SAGE1: variants seen among roughly 807,000 people sequenced by gnomAD.
SAGE1 encodes sarcoma antigen 1.
A neutral mutation model predicts 55.4 loss-of-function variants in SAGE1; 55 were observed. That is an observed-to-expected ratio of 0.99 (90% CI 0.80 to 1.24). The LOEUF (loss-of-function observed/expected upper bound fraction) is 1.24, where lower values mean the gene tolerates loss of function less well. SAGE1 is among the 50% of genes most tolerant of loss of function. SAGE1 has a pLI of 0.00. For missense variants in SAGE1, 710 were observed against 704.4 expected, an observed-to-expected ratio of 1.01 and a Z score of -0.09; for synonymous variants, 240 against 244.3, an observed-to-expected ratio of 0.98 and a Z score of 0.17.
At chrX:135,894,908 G>A (rs2088560266) in intron 1 of SAGE1, among the ~76,000 whole-genome samples, 1 of 110,601 alleles carries the variant, frequency 9.0e-6, no homozygotes, top group Admixed American at 9.7e-5. Flanking sequence ...TCTAGTTTGT[G>A]GGAAGCTGTT....
In SAGE1 at chrX:135,901,751, C is replaced by G. The variant is rs1294007567; in HGVS notation, c.220+60C>G. On this transcript the variant is annotated intron_variant, in intron 3 of 19. Transcript: ENST00000370709. The stretch of plus-strand genomic sequence containing the variant: ...GTCAAAGGACATTTGTAGTCATGTC[C>G]TTGAGGGATGAACAGATATGAGCAC... 8.5e-6 allele frequency: 9 copies of G among 1,055,489 alleles called. No individual in the cohort carries two copies. In the African/African-American group the frequency reaches 1.7e-4, roughly 20 times the overall value. 87.0% of individuals were successfully genotyped at this position (1,055,489 alleles called of 1,213,427 possible). A position where few individuals can be genotyped will look rare whatever the true frequency, so the allele number is the denominator to read the frequency against.
chrX:135,911,095 G>C, intron 16 of SAGE1, 97 bp from the exon 17 acceptor site: 1 of 954,660 alleles, frequency 1.0e-6, no homozygotes, highest in South Asian at 2.3e-5. Context: ...CCTGCTGTAT[G>C]GGATAACGTC....
rs145321704 is a variant in SAGE1, at chrX:135,912,035, T to C, written c.2521+82T>C. 850 of 1,146,701 alleles carry C rather than the reference T, an allele frequency of 7.4e-4. 7 individuals are homozygous for C. In the African/African-American group the frequency reaches 0.013, roughly 17 times the overall value. 94.5% of individuals were successfully genotyped at this position (1,146,701 alleles called of 1,213,427 possible). The stretch of plus-strand genomic sequence containing the variant: ...TTTAGAACAGAATTGAGCTGCCTCT[T>C]GAGCTCATTGTTTGGCTGAATTGGA... On this transcript the variant is annotated intron_variant, in intron 18 of 19. Coordinates refer to ENST00000370709, the MANE Select transcript of SAGE1 (RefSeq NM_001381902.1).
rs1360324421 is a variant in SAGE1, at chrX:135,905,253, T to A, written c.315T>A (p.Asp105Glu). The stretch of plus-strand genomic sequence containing the variant: ...TCAACCTGTTCCATCGGTTTCCAGA[T>A]GCTACCATCGCTCACAATATCCGTG... Reference protein sequence around the residue: ...NVLSTAPPWPDATIAHNIREE... With the variant: ...NVLSTAPPWPEATIAHNIREE... The change falls in exon 5 of 20, where the codon GAT becomes GAA. Residue 105 changes from aspartate to glutamate, a missense_variant and splice_region_variant. By Grantham distance (45) the Asp-to-Glu change is conservative. Coordinates refer to ENST00000370709, the MANE Select transcript of SAGE1 (RefSeq NM_001381902.1). The A allele has an allele frequency of 2.5e-6, 3 of 1,206,233 alleles. No homozygotes were observed. Among genetic ancestry groups the A allele is most frequent in the Non-Finnish European group, 3.4e-6 (3 of 892,621 alleles).
At chrX:135,911,451 G>T (rs2088897005) in intron 17 of SAGE1, 119 bp downstream of exon 17, 1 of 895,485 alleles carries the variant, frequency 1.1e-6, no homozygotes, top group African/African-American at 2.0e-5. Context: ...GAGGGGTCTT[G>T]GATCACCACC....
In SAGE1 at chrX:135,896,331, TA is replaced by T. The variant is rs782196938; in HGVS notation, c.87+4del. ...TATGTGTTTACAAATGATGGGCAGG[TA>T]AGATAACTCTTTCTATTTCTGCCCT... On this transcript the variant is annotated splice_donor_region_variant and intron_variant, in intron 2 of 19. Transcript: ENST00000370709. The T allele has an allele frequency of 1.7e-6, 2 of 1,155,297 alleles. No homozygotes were observed. The highest frequency in any genetic ancestry group is 2.5e-4 in the Middle Eastern group (1 of 3,991).
In SAGE1 at chrX:135,908,320, T is replaced by C. The variant is rs559202150; in HGVS notation, c.1300+91T>C. 3.4e-4 allele frequency: 356 copies of C among 1,039,780 alleles called. 2 individuals carry two copies. In the South Asian group the frequency reaches 7.1e-3, roughly 21 times the overall value. 85.7% of individuals were successfully genotyped at this position (1,039,780 alleles called of 1,213,427 possible). On this transcript the variant is annotated intron_variant, in intron 11 of 19. Coordinates refer to ENST00000370709, the MANE Select transcript of SAGE1 (RefSeq NM_001381902.1). The stretch of plus-strand genomic sequence containing the variant: ...AGAATGTGGTTTTATTATATTGTCT[T>C]TCGTGAGTTGAATTTGTGGGGTCTC...
At position 135,912,818 on chromosome X, in the gene SAGE1, T is replaced by C; in HGVS notation, c.2636T>C (p.Ile879Thr). The C allele has an allele frequency of 1.7e-6, 2 of 1,210,449 alleles. No homozygotes were observed. Among genetic ancestry groups the C allele is most frequent in the Non-Finnish European group, 2.2e-6 (2 of 894,578 alleles). The change falls in exon 20 of 20, where the codon ATT becomes ACT. Residue 879 changes from isoleucine (I) to threonine (T), a missense_variant. Ile to Thr is a moderately conservative substitution (Grantham distance 89). Transcript: ENST00000370709. ...EAARFKKVVL[I>T]QQLEKALKEI... is the part of the protein sequence containing the mutation. ...TTCAGGTTTAAAAAAGTTGTCTTAA[T>C]TCAGCAACTCGAGAAGGCGCTTAAA... is the stretch of plus-strand genomic sequence containing the variant.
intron 18 of SAGE1, 138 bp downstream of exon 18, chrX:135,912,091 A>G: frequency 1.8e-6 from 2 of 1,104,125 alleles, no homozygotes; most frequent in Non-Finnish European, 2.4e-6. Context: ...GCTTTACTTT[A>G]ATTTCACTGA....
intron 13 of SAGE1, 81 bp from the exon 14 acceptor site, chrX:135,909,558 A>G: frequency 1.0e-6 from 1 of 956,492 alleles, no homozygotes; most frequent in Non-Finnish European, 1.4e-6. Context: ...ATTTCTTACA[A>G]ACTGAACATC....
intron 2 of SAGE1, among the ~76,000 whole-genome samples, chrX:135,898,279 A>G (rs1556594906): frequency 8.9e-6 from 1 of 111,782 alleles, no homozygotes; most frequent in Non-Finnish European, 1.9e-5. Context: ...TTGGCCTCCC[A>G]AAGTGCTGGG....
rs1464597160 is a variant in SAGE1 at position 135,906,856 on chromosome X, A to G, written c.737-70A>G. On this transcript the variant is annotated intron_variant, in intron 7 of 19. Transcript: ENST00000370709. ...GATAATTTCCTAGAAACTGAGCATCAGAGGGATATACCTGTGGGGTTACCA... is the reference window on the plus strand; with the variant it reads ...GATAATTTCCTAGAAACTGAGCATCGGAGGGATATACCTGTGGGGTTACCA... 6 of 1,087,441 alleles carry G rather than the reference A, an allele frequency of 5.5e-6. No homozygotes were observed. The African/African-American group carries it at 9.3e-5, about 17-fold the overall frequency. The allele number at this position is 1,087,441 out of a possible 1,213,427, so 89.6% of individuals were successfully genotyped here.
chrX:135,906,959 A>C lies in SAGE1; in HGVS notation c.770A>C (p.Lys257Thr). The C allele has an allele frequency of 8.3e-7, 1 of 1,209,337 alleles. No individual in the cohort carries two copies. Among genetic ancestry groups the C allele is most frequent in the Non-Finnish European group, 1.1e-6 (1 of 893,928 alleles). Residue 257 changes from lysine to threonine, a missense_variant, in exon 8 of 20, where the codon AAG becomes ACG. Coordinates refer to ENST00000370709, the MANE Select transcript of SAGE1 (RefSeq NM_001381902.1). The part of the protein sequence containing the change: ...ATITYNVPEE[K>T]MEKGQPQPDN... Reference sequence around the variant, plus strand: ...ATCACTTACAATGTCCCTGAGGAGAAGATGGAAAAGGGCCAACCCCAACCT... The same window carrying C: ...ATCACTTACAATGTCCCTGAGGAGACGATGGAAAAGGGCCAACCCCAACCT...
intron 10 of SAGE1, 108 bp downstream of exon 10, chrX:135,907,949 T>A (rs782672492): frequency 5.1e-5 from 55 of 1,068,564 alleles, no homozygotes; most frequent in Non-Finnish European, 6.8e-5. Context: ...GGCCTCAATT[T>A]TAGGGTTTTC....
rs782413603 is a variant in SAGE1 at position 135,901,573 on chromosome X, T to C, written c.102T>C (p.Asp34=). Reference sequence around the variant, plus strand: ...ATGTTTTTCAGCAAATGAGGAGTGATGAAGTAAATCTGGTTGCAACAGGGC... The same window carrying C: ...ATGTTTTTCAGCAAATGAGGAGTGACGAAGTAAATCTGGTTGCAACAGGGC... ...FTNDGQQMRS[D]EVNLVATGHQ... The change falls in exon 3 of 20, where the codon GAT becomes GAC. Residue 34 remains aspartate, a synonymous_variant. Transcript: ENST00000370709. The C allele has an allele frequency of 4.1e-6, 5 of 1,207,201 alleles. No homozygotes were observed. The highest frequency in any genetic ancestry group is 5.6e-6 in the Non-Finnish European group (5 of 893,633).
At position 135,905,276 on chromosome X, in the gene SAGE1, G is replaced by A. The variant is rs191992256; in HGVS notation, c.338G>A (p.Arg113His). The A allele has an allele frequency of 9.6e-5, 116 of 1,206,821 alleles. No homozygotes were observed. Among genetic ancestry groups the A allele is most frequent in the Admixed American group, 6.6e-4 (30 of 45,657 alleles). Residue 113 changes from arginine (R) to histidine (H), a missense_variant, in exon 5 of 20, where the codon CGT (arginine) becomes CAT (histidine). Arg to His is a conservative substitution (Grantham distance 29). Transcript: ENST00000370709. ...GATGCTACCATCGCTCACAATATCC[G>A]TGAAGAGAGGATGGAAAATGGCCAA... ...WPDATIAHNI[R>H]EERMENGQSR...
At chrX:135,906,267 A>G in intron 6 of SAGE1, 103 bp downstream of exon 6, 1 of 1,068,576 alleles carries the variant, frequency 9.4e-7, no homozygotes, top group Non-Finnish European at 1.3e-6. Flanking sequence ...TTTCTGGCCT[A>G]AATCTGAGGG....
At position 135,895,953 on chromosome X, in the gene SAGE1, G is replaced by T. The variant is rs782759130; in HGVS notation, c.1-290G>T. Among the ~76,000 whole-genome samples the T allele has an allele frequency of 6.3e-5, 7 of 111,306 alleles. No individual in the cohort carries two copies. In the East Asian group the frequency reaches 1.7e-3, roughly 27 times the overall value. On this transcript the variant is annotated intron_variant, in intron 1 of 19. Transcript: ENST00000370709. ...ACTGGGTTGGAGGCATAAGGGACTT[G>T]TTTAACCTAACCTAGTGGTGTGAAC...
At chrX:135,905,968 G>A in intron 5 of SAGE1, 56 bp from the exon 6 acceptor site, 1 of 1,045,198 alleles carries the variant, frequency 9.6e-7, no homozygotes, top group Non-Finnish European at 1.3e-6. Context: ...GGATATACCT[G>A]TGGCACTGAC....
Sources: allele counts gnomAD v4.1 joint callset (sites outside exome capture counted in the v4.1 genomes callset), GRCh38; gene constraint gnomAD v4.1.1; transcripts MANE v1.5; gene names NCBI Gene and HGNC (gene_info 2026-07-23, HGNC 2026-07-21).